DLG2: variants seen among roughly 807,000 people sequenced by gnomAD.
DLG2 encodes the protein discs large MAGUK scaffold protein 2.
DLG2 carries 45 observed loss-of-function variants against 132.5 expected under a neutral mutation model. The ratio of observed to expected loss-of-function variants is 0.34; its 90% CI spans 0.27 to 0.44. DLG2 has a LOEUF of 0.44. Among genes scored for constraint, DLG2 ranks in the 20% least tolerant of loss-of-function variants. DLG2 has a pLI of 1.00. For missense variants in DLG2, 1,045 were observed against 1,196.9 expected (o/e 0.87, Z 1.87); for synonymous variants, 424 against 419.6 (o/e 1.01, Z -0.13).
chr11:83,669,945 G>T (rs1024870633), intron 18 of DLG2, among the ~76,000 whole-genome samples: 4 of 152,178 alleles, frequency 2.6e-5, no homozygotes, highest in Non-Finnish European at 5.9e-5. Flanking sequence ...ACCAAATCTT[G>T]ACCCAAATGG....
In DLG2 at chr11:85,251,262, A is replaced by G. The variant is rs559320335; in HGVS notation, c.186+33958T>C. Among the ~76,000 whole-genome samples, 14 of 152,332 alleles carry G rather than the reference A, an allele frequency of 9.2e-5. No homozygotes were observed. In the South Asian group the frequency reaches 1.9e-3, roughly 20 times the overall value. ...TGGAATATTCTTCCAATCTTCAAACATGTAATATTGTAAGCAGAATATTGT... is the reference window on the plus strand; with the variant it reads ...TGGAATATTCTTCCAATCTTCAAACGTGTAATATTGTAAGCAGAATATTGT... On this transcript the variant is annotated intron_variant, in intron 4 of 27. Transcript: ENST00000376104.
intron 3 of DLG2, among the ~76,000 whole-genome samples, chr11:85,516,042 C>A (rs939090177): frequency 1.3e-5 from 2 of 151,934 alleles, no homozygotes; most frequent in African/African-American, 4.8e-5. Context: ...TTTCCATTTA[C>A]TTTTCCTAAT....
chr11:85,555,653 T>C (rs576918717), intron 3 of DLG2, among the ~76,000 whole-genome samples: 1 of 151,966 alleles, frequency 6.6e-6, no homozygotes, highest in South Asian at 2.1e-4. Flanking sequence ...GGAAAAAAAT[T>C]AACCACTGGA....
At chr11:83,641,011 G>A (rs1341562585) in intron 18 of DLG2, among the ~76,000 whole-genome samples, 1 of 152,084 alleles carries the variant, frequency 6.6e-6, no homozygotes. Context: ...GTAAAATATA[G>A]AAATCATCCC....
chr11:83,942,643 T>C (rs910406973), intron 14 of DLG2, among the ~76,000 whole-genome samples: 1 of 152,248 alleles, frequency 6.6e-6, no homozygotes, highest in Admixed American at 6.5e-5. Flanking sequence ...TAGGTTAATA[T>C]GGAAAAGTTA....
intron 19 of DLG2, among the ~76,000 whole-genome samples, chr11:83,595,753 A>G (rs2057470147): frequency 6.6e-6 from 1 of 152,226 alleles, no homozygotes; most frequent in Non-Finnish European, 1.5e-5. Flanking sequence ...AAAGTATCAC[A>G]TTGCAAACAA....
At chr11:84,109,880 T>G (rs1405198394) in intron 9 of DLG2, among the ~76,000 whole-genome samples, 3 of 152,174 alleles carry the variant, frequency 2.0e-5, no homozygotes, top group Non-Finnish European at 2.9e-5. Context: ...AATCTGATAG[T>G]CATCCTTGAC....
intron 17 of DLG2, among the ~76,000 whole-genome samples, chr11:83,824,289 C>T (rs922457363): frequency 1.1e-4 from 17 of 152,128 alleles, no homozygotes; most frequent in African/African-American, 2.4e-4. Flanking sequence ...CTCTTCTTTA[C>T]GCCCATGTGG....
At chr11:84,571,085 A>G (rs1016589057) in intron 6 of DLG2, among the ~76,000 whole-genome samples, 1 of 152,178 alleles carries the variant, frequency 6.6e-6, no homozygotes, top group African/African-American at 2.4e-5. Flanking sequence ...CTGACCACAC[A>G]TACCTATACT....
intron 11 of DLG2, among the ~76,000 whole-genome samples, chr11:83,987,329 A>G (rs1592438465): frequency 6.6e-6 from 1 of 152,194 alleles, no homozygotes; most frequent in Non-Finnish European, 1.5e-5. Flanking sequence ...CTTTCTTCAC[A>G]GAATTGGAAA....
At chr11:84,720,919 G>C (rs943821731) in intron 6 of DLG2, 10 of 151,662 alleles carry the variant, frequency 6.6e-5, no homozygotes, top group Admixed American at 6.6e-4. Context: ...CAGAGTCACT[G>C]TGGGGAGCGC....
In DLG2 at chr11:84,842,794, T is replaced by TTG. The variant is rs140922977; in HGVS notation, c.357+268865_357+268866dup. Among the ~76,000 whole-genome samples the TTG allele has an allele frequency of 2.2e-3, 339 of 151,688 alleles. 1 individual carries two copies. The highest frequency in any genetic ancestry group is 3.2e-3 in the Admixed American group (49 of 15,170). On this transcript the variant is annotated intron_variant, in intron 6 of 27. Coordinates refer to ENST00000376104, the MANE Select transcript of DLG2 (RefSeq NM_001142699.3). ...GTATAATGAATATCTGGACAGATATTTGTGTGTGTGTGCATGCATGTGTGG... is the reference window on the plus strand; with the variant it reads ...GTATAATGAATATCTGGACAGATATTTGTGTGTGTGTGTGCATGCATGTGTGG...
At chr11:83,534,388 A>G (rs1003689618) in intron 20 of DLG2, among the ~76,000 whole-genome samples, 6 of 152,208 alleles carry the variant, frequency 3.9e-5, no homozygotes, top group East Asian at 1.9e-4. Context: ...ATGTGGGGGA[A>G]AAAAGAGAAA....
intron 18 of DLG2, among the ~76,000 whole-genome samples, chr11:83,636,902 C>G (rs748799321): frequency 3.9e-5 from 6 of 152,146 alleles, no homozygotes; most frequent in Non-Finnish European, 7.4e-5. Context: ...TGACAGTCAT[C>G]TCAATGTAAA....
intron 11 of DLG2, among the ~76,000 whole-genome samples, chr11:83,987,428 G>A (rs1227547791): frequency 1.5e-4 from 23 of 152,016 alleles, no homozygotes; most frequent in Non-Finnish European, 3.1e-4. Context: ...GAGGCATCTT[G>A]CTACCTGACT....
chr11:84,503,023 A>T (rs969711229), intron 7 of DLG2, among the ~76,000 whole-genome samples: 1 of 152,200 alleles, frequency 6.6e-6, no homozygotes, highest in African/African-American at 2.4e-5. Context: ...AGTGGGACTG[A>T]AGAGATTCTC....
intron 26 of DLG2, among the ~76,000 whole-genome samples, chr11:83,464,731 A>C (rs2090684922): frequency 6.6e-6 from 1 of 152,194 alleles, no homozygotes; most frequent in African/African-American, 2.4e-5. Context: ...ACTGTCTCCT[A>C]ATATTGCACC....
At chr11:85,525,416 T>C (rs1392277641) in intron 3 of DLG2, among the ~76,000 whole-genome samples, 1 of 152,182 alleles carries the variant, frequency 6.6e-6, no homozygotes, top group African/African-American at 2.4e-5. Context: ...ATATTTACCA[T>C]ATATCCTAGC....
intron 6 of DLG2, among the ~76,000 whole-genome samples, chr11:85,002,186 A>T (rs1330658102): frequency 6.6e-6 from 1 of 152,160 alleles, no homozygotes; most frequent in Admixed American, 6.6e-5. Flanking sequence ...ACCCCCAAAT[A>T]CATGCAGTCT....
Sources: allele counts gnomAD v4.1 joint callset (sites outside exome capture counted in the v4.1 genomes callset), GRCh38; gene constraint gnomAD v4.1.1; transcripts MANE v1.5; gene names NCBI Gene and HGNC (gene_info 2026-07-23, HGNC 2026-07-21).